The following SIGLEC9 variants were observed in gnomAD, a reference collection of about 807,000 sequenced individuals.
SIGLEC9 encodes sialic acid-binding Ig-like lectin 9.
SIGLEC9 carries 26 observed loss-of-function variants against 38.3 expected under a neutral mutation model. That is an observed-to-expected ratio of 0.68 (90% CI 0.50 to 0.94). The LOEUF (loss-of-function observed/expected upper bound fraction) is 0.94, where lower values mean the gene tolerates loss of function less well. SIGLEC9 is among the 40% of genes least tolerant of loss of function. SIGLEC9 has a pLI of 0.00. For synonymous variants in SIGLEC9, 236 were observed against 248.0 expected (o/e 0.95, Z 0.45); for missense variants, 556 against 585.7 (o/e 0.95, Z 0.52).
At position 51,125,045 on chromosome 19, in the gene SIGLEC9, C is replaced by A. The variant is rs753561495; in HGVS notation, c.71C>A (p.Thr24Lys). 1.9e-6 allele frequency: 3 copies of A among 1,613,986 alleles called. No individual in the cohort carries two copies. In the South Asian group the frequency reaches 3.3e-5, roughly 18 times the overall value. The change falls in exon 1 of 7, where the codon ACG becomes AAG. Residue 24 changes from threonine (T) to lysine (K), a missense_variant. Transcript: ENST00000250360. ...RAEGQTSKLL[T>K]MQSSVTVQEG... ...GAAGGACAGACAAGTAAACTGCTGACGATGCAGAGTTCCGTGACGGTGCAG... is the reference window on the plus strand; with the variant it reads ...GAAGGACAGACAAGTAAACTGCTGAAGATGCAGAGTTCCGTGACGGTGCAG...
In SIGLEC9 at chr19:51,130,026, C is replaced by A; in HGVS notation, c.1339C>A (p.Arg447=). ...SFQMVKPWDS[R]GQEATDTEYS... ...CCAGATGGTGAAGCCTTGGGACTCG[C>A]GGGGACAGGAGGCCACTGACACCGA... The change falls in exon 7 of 7, where the codon CGG becomes AGG. Residue 447 remains arginine (R), a synonymous_variant. Coordinates refer to ENST00000250360, the MANE Select transcript of SIGLEC9 (RefSeq NM_014441.3). 1 of 1,613,790 alleles carries A rather than the reference C, an allele frequency of 6.2e-7. No individual in the cohort carries two copies. Among genetic ancestry groups the A allele is most frequent in the East Asian group, 2.2e-5 (1 of 44,850 alleles).
intron 5 of SIGLEC9, 82 bp from the exon 6 acceptor site, chr19:51,128,332 T>G (rs1434432654): frequency 1.1e-5 from 16 of 1,497,496 alleles, no homozygotes; most frequent in Non-Finnish European, 1.4e-5. Context: ...AGTCCCTTAA[T>G]AGGAAACACA....
At chr19:51,135,098 T>A (rs898607668), downstream of SIGLEC9, among the ~76,000 whole-genome samples, 1 of 152,246 alleles carries the variant, frequency 6.6e-6, no homozygotes, top group Non-Finnish European at 1.5e-5. Flanking sequence ...GAGAATTTGA[T>A]CCTGTCATTA....
At position 51,125,586 on chromosome 19, in the gene SIGLEC9, C is replaced by G. The variant is rs201013039; in HGVS notation, c.422-11C>G. The G allele has an allele frequency of 4.4e-6, 7 of 1,608,588 alleles. No homozygotes were observed. In the South Asian group the frequency reaches 5.5e-5, roughly 13 times the overall value. On this transcript the variant is annotated splice_polypyrimidine_tract_variant and intron_variant, in intron 1 of 6. Transcript: ENST00000250360. The stretch of plus-strand genomic sequence containing the variant: ...CTCTGACCTGATCCTGAGTCCCCCT[C>G]TCTTCACCAGCCTTGACCCACAGGC...
intron 6 of SIGLEC9, chr19:51,128,858 C>T (rs541916846): frequency 2.2e-5 from 5 of 232,526 alleles, no homozygotes; most frequent in Non-Finnish European, 3.4e-5. Flanking sequence ...CCCTCAATAC[C>T]GTTTAGAGCA....
chr19:51,129,502 A>C (rs542966808), intron 6 of SIGLEC9, among the ~76,000 whole-genome samples: 1 of 151,872 alleles, frequency 6.6e-6, no homozygotes, highest in Non-Finnish European at 1.5e-5. Context: ...TAGGGCAAGA[A>C]CAAGGGTGAA....
Position 51,124,998 on chromosome 19 carries a change from G to A in SIGLEC9, c.24G>A (p.Leu8=). 1 of 1,609,780 alleles carries A rather than the reference G, an allele frequency of 6.2e-7. No individual in the cohort carries two copies. Among genetic ancestry groups the A allele is most frequent in the Non-Finnish European group, 8.5e-7 (1 of 1,177,378 alleles). ...ACATGCTGCTGCTGCTGCTGCCCCT[G>A]CTCTGGGGGAGGGAGAGGGCGGAAG... MLLLLLP[L]LWGRERAEGQ... The change falls in exon 1 of 7, where the codon CTG becomes CTA. Residue 8 remains leucine, a synonymous_variant. Coordinates refer to ENST00000250360, the MANE Select transcript of SIGLEC9 (RefSeq NM_014441.3).
intron 6 of SIGLEC9, chr19:51,129,029 TCA>T (rs1193866330): frequency 6.5e-6 from 1 of 152,790 alleles, no homozygotes; most frequent in Non-Finnish European, 1.5e-5. Flanking sequence ...ATAAAACTAT[TCA>T]CAAACATAAA....
upstream of SIGLEC9, among the ~76,000 whole-genome samples, chr19:51,124,735 C>A (rs2122832441): frequency 6.6e-6 from 1 of 152,228 alleles, no homozygotes; most frequent in Middle Eastern, 3.4e-3. Context: ...GTGAGTCTGT[C>A]TCCCGCTCTG....
chr19:51,126,008 G>C (rs1467420409), intron 2 of SIGLEC9, 73 bp from the exon 3 acceptor site: 2 of 1,583,424 alleles, frequency 1.3e-6, no homozygotes, highest in Non-Finnish European at 1.7e-6. Flanking sequence ...TGTTTATGCG[G>C]CTCCTGGGGA....
At chr19:51,132,509 G>A (rs116519991), downstream of SIGLEC9, among the ~76,000 whole-genome samples, 317 of 152,314 alleles carry the variant, frequency 2.1e-3, 1 homozygote, top group African/African-American at 7.1e-3. Flanking sequence ...TGTAGTCTGA[G>A]TGTTTTTACC....
At chr19:51,131,592 A>T (rs549235518), downstream of SIGLEC9, among the ~76,000 whole-genome samples, 1 of 143,616 alleles carries the variant, frequency 7.0e-6, no homozygotes, top group Admixed American at 6.8e-5. Flanking sequence ...TCTCAAAAAA[A>T]ATAAATAAAT....
At position 51,125,323 on chromosome 19, in the gene SIGLEC9, T is replaced by C. The variant is rs1164883049; in HGVS notation, c.349T>C (p.Tyr117His). 6.2e-7 allele frequency: 1 copy of C among 1,612,736 alleles called. No homozygotes were observed. The highest frequency in any genetic ancestry group is 8.5e-7 in the Non-Finnish European group (1 of 1,179,388). The change falls in exon 1 of 7, where the codon TAC (tyrosine) becomes CAC (histidine). Residue 117 changes from tyrosine (Y) to histidine (H), a missense_variant. Transcript: ENST00000250360. ...TGCCAGAAGAAGTGATGCGGGGAGA[T>C]ACTTCTTTCGTATGGAGAAAGGAAG... Reference protein sequence around the residue: ...RDARRSDAGRYFFRMEKGSIK... With the variant: ...RDARRSDAGRHFFRMEKGSIK...
upstream of SIGLEC9, among the ~76,000 whole-genome samples, chr19:51,123,508 C>A (rs1349841741): frequency 6.6e-6 from 1 of 152,204 alleles, no homozygotes; most frequent in African/African-American, 2.4e-5. Flanking sequence ...CTGCAACTTC[C>A]CAGGGAGCGA....
intron 4 of SIGLEC9, 70 bp downstream of exon 4, chr19:51,127,366 G>A (rs534818055): frequency 1.4e-6 from 2 of 1,470,436 alleles, no homozygotes; most frequent in East Asian, 2.5e-5. Flanking sequence ...AGTAACTGCT[G>A]AGCGTGGACC....
downstream of SIGLEC9, among the ~76,000 whole-genome samples, chr19:51,133,736 G>GTACAAA (rs2092028956): frequency 6.6e-6 from 1 of 152,146 alleles, no homozygotes. Flanking sequence ...TATAATGTTT[G>GTACAAA]TACAACTGTG....
chr19:51,131,784 C>T (rs1259398243), downstream of SIGLEC9, among the ~76,000 whole-genome samples: 2 of 151,534 alleles, frequency 1.3e-5, no homozygotes, highest in African/African-American at 2.4e-5. Context: ...GGCGAGGTGG[C>T]GTATGCCTGT....
intron 6 of SIGLEC9, among the ~76,000 whole-genome samples, chr19:51,135,349 G>A (rs1335176851): frequency 1.3e-5 from 2 of 152,100 alleles, no homozygotes; most frequent in East Asian, 3.8e-4. Flanking sequence ...TAGTTTGGCA[G>A]GGTATGAAAA....
upstream of SIGLEC9, among the ~76,000 whole-genome samples, chr19:51,124,444 A>T (rs1307395866): frequency 6.6e-6 from 1 of 152,034 alleles, no homozygotes; most frequent in Non-Finnish European, 1.5e-5. Flanking sequence ...CCCCTTGGGG[A>T]CAGTGTCCAG....
Sources: allele counts gnomAD v4.1 joint callset (sites outside exome capture counted in the v4.1 genomes callset), GRCh38; gene constraint gnomAD v4.1.1; transcripts MANE v1.5; gene names NCBI Gene and HGNC (gene_info 2026-07-23, HGNC 2026-07-21).